The following AOAH variants were observed in gnomAD, a reference collection of about 807,000 sequenced individuals.
The protein encoded by AOAH is acyloxyacyl hydrolase.
AOAH carries 64 observed loss-of-function variants against 92.2 expected under a neutral mutation model. That is an observed-to-expected ratio of 0.69 (90% confidence interval 0.57 to 0.86). The LOEUF (loss-of-function observed/expected upper bound fraction) is 0.86, where lower values mean the gene tolerates loss of function less well. Among genes scored for constraint, AOAH ranks in the 40% least tolerant of loss-of-function variants. The pLI, the probability that AOAH is intolerant of heterozygous loss-of-function variation, is 0.00. For synonymous variants in AOAH, 263 were observed against 254.5 expected, an observed-to-expected ratio of 1.03 and a Z score of -0.32; for missense variants, 656 against 694.6, an observed-to-expected ratio of 0.94 and a Z score of 0.62.
At chr7:36,639,374 C>T (rs1176498946) in intron 4 of AOAH, among the ~76,000 whole-genome samples, 1 of 152,188 alleles carries the variant, frequency 6.6e-6, no homozygotes, top group African/African-American at 2.4e-5. Flanking sequence ...TCCTCTGCCT[C>T]AATCATGTGC....
chr7:36,615,528 C>A (rs1791805373), intron 11 of AOAH, among the ~76,000 whole-genome samples: 2 of 152,124 alleles, frequency 1.3e-5, no homozygotes, highest in South Asian at 4.1e-4. Context: ...CTGCAGGTGA[C>A]CCATCTGATA....
At chr7:36,550,862 A>G (rs988603196) in intron 13 of AOAH, among the ~76,000 whole-genome samples, 2 of 152,146 alleles carry the variant, frequency 1.3e-5, no homozygotes, top group Non-Finnish European at 2.9e-5. Flanking sequence ...CCACGTGGGA[A>G]AAAGGGCAGC....
At chr7:36,519,571 C>T (rs1478180631) in intron 20 of AOAH, among the ~76,000 whole-genome samples, 1 of 152,242 alleles carries the variant, frequency 6.6e-6, no homozygotes, top group African/African-American at 2.4e-5. Context: ...GCTGGGATTA[C>T]AGGCATGTGC....
intron 1 of AOAH, among the ~76,000 whole-genome samples, chr7:36,691,780 A>G (rs1797414894): frequency 6.6e-6 from 1 of 152,166 alleles, no homozygotes; most frequent in South Asian, 2.1e-4. Context: ...TGGCCTTGTG[A>G]CTTGCTTTGA....
intron 3 of AOAH, among the ~76,000 whole-genome samples, chr7:36,670,195 A>G (rs867828041): frequency 1.3e-5 from 2 of 152,244 alleles, no homozygotes; most frequent in Non-Finnish European, 2.9e-5. Context: ...GGGTTAGAAA[A>G]TACATTTAAT....
Position 36,589,835 on chromosome 7 carries a change from T to A in AOAH, c.938+4504A>T, listed in dbSNP as rs186023917. On this transcript the variant is annotated intron_variant, in intron 12 of 20. Transcript: ENST00000617537. ...GTTTCCCATCTTTCTACATGTGGTA[T>A]TAGATCTTTGGTTTCTTTAATGTAA... Among the ~76,000 whole-genome samples, 8 of 152,358 alleles carry A rather than the reference T, an allele frequency of 5.3e-5. No homozygotes were observed. The East Asian group carries it at 1.5e-3, about 29-fold the overall frequency.
At chr7:36,629,130 T>C (rs1343699652) in intron 6 of AOAH, among the ~76,000 whole-genome samples, 4 of 152,274 alleles carry the variant, frequency 2.6e-5, no homozygotes, top group African/African-American at 7.2e-5. Flanking sequence ...ACTGCATTTA[T>C]ATGTATACGT....
intron 2 of AOAH, among the ~76,000 whole-genome samples, chr7:36,677,084 T>C (rs1242155588): frequency 6.6e-6 from 1 of 151,640 alleles, no homozygotes; most frequent in Non-Finnish European, 1.5e-5. Flanking sequence ...ACAGAGAAAC[T>C]TGACTTCATT....
chr7:36,680,121 T>C (rs1470898965), intron 2 of AOAH, among the ~76,000 whole-genome samples: 1 of 152,186 alleles, frequency 6.6e-6, no homozygotes, highest in Non-Finnish European at 1.5e-5. Context: ...AGTGAACTTG[T>C]AGCAAGACTC....
chr7:36,713,600 G>T lies in AOAH; in HGVS notation c.127+10422C>A, dbSNP rs534093494. 3.0e-3 allele frequency among the ~76,000 whole-genome samples: 456 copies of T among 152,118 alleles called. 1 individual carries two copies. Among genetic ancestry groups the T allele is most frequent in the African/African-American group, 0.011 (436 of 41,494 alleles). ...GAAGTAAAGCTCTCCTCAGCAAATGGAAAAGAACAGAAATTATAACAAACT... is the reference window on the plus strand; with the variant it reads ...GAAGTAAAGCTCTCCTCAGCAAATGTAAAAGAACAGAAATTATAACAAACT... On this transcript the variant is annotated intron_variant, in intron 1 of 20. Transcript: ENST00000617537.
chr7:36,681,424 C>A (rs1796635809), intron 2 of AOAH, among the ~76,000 whole-genome samples: 1 of 152,066 alleles, frequency 6.6e-6, no homozygotes, highest in South Asian at 2.1e-4. Flanking sequence ...ACTTGCTGAG[C>A]AACGCATACA....
At chr7:36,588,157 C>T (rs545765272) in intron 12 of AOAH, among the ~76,000 whole-genome samples, 7 of 152,086 alleles carry the variant, frequency 4.6e-5, no homozygotes, top group Non-Finnish European at 1.0e-4. Context: ...AGGATGTCCC[C>T]CTCTTGTTTT....
At chr7:36,689,620 A>G (rs1797259420) in intron 1 of AOAH, among the ~76,000 whole-genome samples, 1 of 152,170 alleles carries the variant, frequency 6.6e-6, no homozygotes, top group Non-Finnish European at 1.5e-5. Flanking sequence ...GATGGTAAAT[A>G]CCAGTCAAAA....
At chr7:36,648,608 T>C (rs1794381946) in intron 4 of AOAH, among the ~76,000 whole-genome samples, 1 of 151,784 alleles carries the variant, frequency 6.6e-6, no homozygotes, top group African/African-American at 2.4e-5. Context: ...CAAATACAAT[T>C]GCTCAGGTTT....
At chr7:36,697,014 A>G (rs1230627688) in intron 1 of AOAH, among the ~76,000 whole-genome samples, 3 of 152,082 alleles carry the variant, frequency 2.0e-5, no homozygotes, top group Non-Finnish European at 4.4e-5. Flanking sequence ...ACTCCTTTCC[A>G]ATCTGCATGC....
At chr7:36,575,506 C>T (rs1296550547) in intron 13 of AOAH, among the ~76,000 whole-genome samples, 1 of 152,136 alleles carries the variant, frequency 6.6e-6, no homozygotes, top group East Asian at 1.9e-4. Flanking sequence ...CCTTTTCCCT[C>T]CCTCAACACT....
At chr7:36,624,621 A>G (rs1295721195) in intron 6 of AOAH, among the ~76,000 whole-genome samples, 1 of 152,226 alleles carries the variant, frequency 6.6e-6, no homozygotes, top group Non-Finnish European at 1.5e-5. Context: ...ACTGGTGGCA[A>G]GAGAGAGCAG....
chr7:36,563,564 G>A (rs1787446947), intron 13 of AOAH, among the ~76,000 whole-genome samples: 2 of 152,152 alleles, frequency 1.3e-5, no homozygotes, highest in Non-Finnish European at 1.5e-5. Flanking sequence ...TTTTCAGTGG[G>A]AGAGACAGGG....
intron 9 of AOAH, among the ~76,000 whole-genome samples, chr7:36,619,081 T>C (rs757965488): frequency 1.3e-5 from 2 of 152,162 alleles, no homozygotes; most frequent in African/African-American, 2.4e-5. Flanking sequence ...TATTCCAAGA[T>C]GAAAGCACTT....
Sources: gnomAD v4.1 joint callset for allele counts (sites outside exome capture counted in the v4.1 genomes callset) on GRCh38, gnomAD v4.1.1 for gene constraint, MANE v1.5 for transcripts, NCBI Gene and HGNC (gene_info 2026-07-23, HGNC 2026-07-21) for gene names.